The following TNKS variants were observed in gnomAD, a reference collection of about 807,000 sequenced individuals.
TNKS encodes tankyrase.
In TNKS, 72 loss-of-function variants were observed where a neutral mutation model predicts 135.8. The ratio of observed to expected loss-of-function variants is 0.53; its 90% CI spans 0.44 to 0.64. The LOEUF is 0.64. Ranked by LOEUF, TNKS falls within the 30% of genes least tolerant of loss-of-function variation. The pLI, the probability that TNKS is intolerant of heterozygous loss-of-function variation, is 0.00. For missense variants in TNKS, 1,769 were observed against 1,674.0 expected (o/e 1.06, Z -0.99); for synonymous variants, 849 against 649.3 (o/e 1.31, Z -4.68).
intron 3 of TNKS, among the ~76,000 whole-genome samples, chr8:9,623,863 G>C (rs774707125): frequency 6.6e-6 from 1 of 152,058 alleles, no homozygotes; most frequent in African/African-American, 2.4e-5. Flanking sequence ...TTAGCTGGGC[G>C]TGGTGGTGGG....
chr8:9,733,028 A>G (rs1805520311), intron 14 of TNKS, among the ~76,000 whole-genome samples: 1 of 152,208 alleles, frequency 6.6e-6, no homozygotes, highest in South Asian at 2.1e-4. Flanking sequence ...AAAGATAAGG[A>G]TTGCTGTGAG....
At chr8:9,615,432 G>GTGCTTTTT (rs890453521) in intron 2 of TNKS, 150 bp from the exon 3 acceptor site, 3 of 548,528 alleles carry the variant, frequency 5.5e-6, no homozygotes, top group Non-Finnish European at 9.3e-6. Flanking sequence ...CTTTGCTGCA[G>GTGCTTTTT]TGCTTTTTTG....
intron 11 of TNKS, among the ~76,000 whole-genome samples, chr8:9,719,403 A>G (rs1014742469): frequency 6.6e-6 from 1 of 152,204 alleles, no homozygotes; most frequent in Non-Finnish European, 1.5e-5. Context: ...GAGGACCCAG[A>G]AAGTCTGTGT....
chr8:9,765,250 C>T, intron 23 of TNKS, among the ~76,000 whole-genome samples: 1 of 152,144 alleles, frequency 6.6e-6, no homozygotes, highest in East Asian at 1.9e-4. Flanking sequence ...AAAGGGGTAT[C>T]ATAAAGATGA....
At position 9,684,088 on chromosome 8, in the gene TNKS, T is replaced by C. The variant is rs55870346; in HGVS notation, c.1107+3288T>C. On this transcript the variant is annotated intron_variant, in intron 5 of 26. Transcript: ENST00000310430. ...TAGAAACATAGGGACATAGATGTTATTTAGTCATCTTCTACCTTCTGCCCA... is the reference window on the plus strand; with the variant it reads ...TAGAAACATAGGGACATAGATGTTACTTAGTCATCTTCTACCTTCTGCCCA... 6.5e-3 allele frequency among the ~76,000 whole-genome samples: 985 copies of C among 152,084 alleles called. 11 individuals are homozygous for C. Among genetic ancestry groups the C allele is most frequent in the African/African-American group, 0.022 (911 of 41,536 alleles).
Position 9,636,248 on chromosome 8 carries a change from A to G in TNKS, c.994+20571A>G, listed in dbSNP as rs188775716. Reference sequence around the variant, plus strand: ...GGAGCCCCTTGTACTAATTTTGCAAATTTTCTGTTTGAAGTTATTTCAAGT... The same window carrying G: ...GGAGCCCCTTGTACTAATTTTGCAAGTTTTCTGTTTGAAGTTATTTCAAGT... On this transcript the variant is annotated intron_variant, in intron 3 of 26. Coordinates refer to ENST00000310430, the MANE Select transcript of TNKS (RefSeq NM_003747.3). Among the ~76,000 whole-genome samples, 408 of 152,188 alleles carry G rather than the reference A, an allele frequency of 2.7e-3. 1 individual carries two copies. Among genetic ancestry groups the G allele is most frequent in the Non-Finnish European group, 4.4e-3 (302 of 67,988 alleles).
chr8:9,766,275 T>C lies in TNKS; in HGVS notation c.3590T>C (p.Phe1197Ser). The C allele has an allele frequency of 6.2e-7, 1 of 1,613,434 alleles. No individual in the cohort carries two copies. The highest frequency in any genetic ancestry group is 8.5e-7 in the Non-Finnish European group (1 of 1,179,736). Residue 1197 changes from phenylalanine to serine, a missense_variant, in exon 25 of 27, where the codon TTT becomes TCT. Coordinates refer to ENST00000310430, the MANE Select transcript of TNKS (RefSeq NM_003747.3). ...ATTAATGCCATTATTCATAAAGGGT[T>C]TGATGAGCGACATGCATACATAGGA... ...PFINAIIHKG[F>S]DERHAYIGGM...
At chr8:9,682,432 C>A (rs921738186) in intron 5 of TNKS, among the ~76,000 whole-genome samples, 1 of 152,134 alleles carries the variant, frequency 6.6e-6, no homozygotes, top group African/African-American at 2.4e-5. Context: ...CTTCTCCCTG[C>A]TTCATCTCCT....
chr8:9,685,570 G>A (rs12679180), intron 5 of TNKS, among the ~76,000 whole-genome samples: 94,545 of 151,944 alleles, frequency 0.62, 29,807 homozygotes, highest in Middle Eastern at 0.73. Flanking sequence ...TGTCCTTATT[G>A]TCCAAGCTCT....
chr8:9,628,081 C>T (rs1405475306), intron 3 of TNKS, among the ~76,000 whole-genome samples: 1 of 152,132 alleles, frequency 6.6e-6, no homozygotes, highest in Non-Finnish European at 1.5e-5. Flanking sequence ...AATTTGTTTC[C>T]TGCAGCTATG....
At chr8:9,593,486 A>T (rs938731378) in intron 2 of TNKS, among the ~76,000 whole-genome samples, 1 of 152,202 alleles carries the variant, frequency 6.6e-6, no homozygotes, top group African/African-American at 2.4e-5. Flanking sequence ...CTTTTAAATT[A>T]TTTTTAGCTT....
intron 2 of TNKS, among the ~76,000 whole-genome samples, chr8:9,590,574 C>T (rs1488045503): frequency 6.6e-6 from 1 of 152,158 alleles, no homozygotes; most frequent in Non-Finnish European, 1.5e-5. Context: ...GCACCACATC[C>T]CTGGCATAAT....
At position 9,704,665 on chromosome 8, in the gene TNKS, G is replaced by A. The variant is rs572314335; in HGVS notation, c.1110G>A (p.Ser370=). The change falls in exon 6 of 27, where the codon TCG becomes TCA. Residue 370 remains serine, a splice_region_variant and synonymous_variant. Transcript: ENST00000310430. ...AAGGGGATGTTTTTCTTTTCTAGTCGACTCCTTTACATCTAGCAGCGGGCT... is the reference window on the plus strand; with the variant it reads ...AAGGGGATGTTTTTCTTTTCTAGTCAACTCCTTTACATCTAGCAGCGGGCT... ...VNCHASDGRK[S]TPLHLAAGYN... The A allele has an allele frequency of 2.8e-5, 45 of 1,610,916 alleles. No homozygotes were observed. In the South Asian group the frequency reaches 4.3e-4, roughly 15 times the overall value.
At chr8:9,631,653 C>G (rs1392533049) in intron 3 of TNKS, among the ~76,000 whole-genome samples, 11 of 151,976 alleles carry the variant, frequency 7.2e-5, no homozygotes, top group Admixed American at 7.2e-4. Flanking sequence ...TATTTGTGAG[C>G]CTATTTGTGT....
intron 13 of TNKS, among the ~76,000 whole-genome samples, chr8:9,729,127 G>C (rs1173652990): frequency 6.6e-6 from 1 of 152,130 alleles, no homozygotes; most frequent in East Asian, 1.9e-4. Context: ...ATCCTCACTT[G>C]GCAGAAGGCG....
At chr8:9,749,928 G>A (rs1806433828) in intron 18 of TNKS, among the ~76,000 whole-genome samples, 1 of 152,102 alleles carries the variant, frequency 6.6e-6, no homozygotes, top group Admixed American at 6.5e-5. Flanking sequence ...TGATCTACCT[G>A]TCCCTTTTAG....
At chr8:9,721,634 C>CT (rs76984329) in intron 12 of TNKS, among the ~76,000 whole-genome samples, 15,787 of 152,026 alleles carry the variant, frequency 0.1, 1,254 homozygotes, top group Admixed American at 0.24. Context: ...GTTCTTAACT[C>CT]TATCAGGTAC....
chr8:9,575,014 T>C, intron 1 of TNKS: 2 of 985,066 alleles, frequency 2.0e-6, no homozygotes, highest in Non-Finnish European at 2.4e-6. Context: ...CCTAATACCG[T>C]TGATAAACTG....
Position 9,556,360 on chromosome 8 carries a change from T to C in TNKS, c.421T>C (p.Ser141Pro). 1.2e-6 allele frequency: 2 copies of C among 1,614,134 alleles called. No homozygotes were observed. Among genetic ancestry groups the C allele is most frequent in the Non-Finnish European group, 1.7e-6 (2 of 1,180,014 alleles). The change falls in exon 1 of 27, where the codon TCC (serine) becomes CCC (proline). Residue 141 changes from serine (S) to proline (P), a missense_variant. Transcript: ENST00000310430. Reference protein sequence around the residue: ...SSSSPTSSSSSSPSSPGSSLA... With the variant: ...SSSSPTSSSSPSPSSPGSSLA... ...TTCTTCCCCGACTTCTTCCTCATCT[T>C]CCTCTCCATCCTCCCCTGGATCGAG...
Sources: allele counts gnomAD v4.1 joint callset (sites outside exome capture counted in the v4.1 genomes callset), GRCh38; gene constraint gnomAD v4.1.1; transcripts MANE v1.5; gene names NCBI Gene and HGNC (gene_info 2026-07-23, HGNC 2026-07-21).